The following LOX variants were observed in gnomAD, a reference collection of about 807,000 sequenced individuals.
LOX encodes the protein protein-lysine 6-oxidase.
Under a neutral mutation model 50.5 loss-of-function variants are expected in LOX, and 12 were observed. The ratio of observed to expected loss-of-function variants is 0.24; its 90% CI spans 0.15 to 0.38. The LOEUF (loss-of-function observed/expected upper bound fraction) is 0.38. LOX is among the 10% of genes least tolerant of loss of function. LOX has a pLI of 1.00. For synonymous variants in LOX, 254 were observed against 230.6 expected, an observed-to-expected ratio of 1.10 and a Z score of -0.92; for missense variants, 504 against 563.8, an observed-to-expected ratio of 0.89 and a Z score of 1.07.
rs1454169589 is a variant in LOX at position 122,068,328 on chromosome 5, AAG to A, written c.1248-1581_1248-1580del. Among the ~76,000 whole-genome samples the A allele has an allele frequency of 4.6e-5, 7 of 152,244 alleles. No individual in the cohort carries two copies. The East Asian group carries it at 1.4e-3, about 29-fold the overall frequency. On this transcript the variant is annotated intron_variant, in intron 6 of 6. Transcript: ENST00000231004. ...TCAATGGATTCTACTGATTAAAAGC[AAG>A]AGACATTCTATGCAACAGACCTCTC... is the stretch of plus-strand genomic sequence containing the variant.
At chr5:122,074,387 A>T (rs1754553749) in intron 3 of LOX, among the ~76,000 whole-genome samples, 1 of 152,142 alleles carries the variant, frequency 6.6e-6, no homozygotes, top group Non-Finnish European at 1.5e-5. Flanking sequence ...AGGACAAAAG[A>T]CTTAGTTCAG....
In LOX at chr5:122,064,907, T is replaced by C. The variant is rs1333943139; in HGVS notation, c.*1836A>G. ...TCAATAAAATGATAGATCTGAAATCTGTAGATGCCAGTCTGGCTCAGTATT... is the reference window on the plus strand; with the variant it reads ...TCAATAAAATGATAGATCTGAAATCCGTAGATGCCAGTCTGGCTCAGTATT... On this transcript the variant is annotated 3_prime_UTR_variant, in exon 7 of 7. Transcript: ENST00000231004. The C allele has an allele frequency of 6.6e-6, 1 of 152,108 alleles. No individual in the cohort carries two copies. The highest frequency in any genetic ancestry group is 2.4e-5 in the African/African-American group (1 of 41,450). The allele number at this position is 152,108 out of a possible 1,614,324, so 9.4% of individuals were successfully genotyped here.
intron 6 of LOX, among the ~76,000 whole-genome samples, chr5:122,068,818 GAATA>G (rs533747574): frequency 2.2e-3 from 330 of 152,010 alleles, no homozygotes; most frequent in African/African-American, 7.5e-3. Flanking sequence ...GAGTGCAAAT[GAATA>G]AATAAATGGA....
At chr5:122,069,884 C>T (rs1423336178) in intron 6 of LOX, 169 bp downstream of exon 6, 1 of 661,610 alleles carries the variant, frequency 1.5e-6, no homozygotes, top group African/African-American at 1.8e-5. Context: ...TCTCCTTTGC[C>T]TTCCATTATT....
intron 6 of LOX, among the ~76,000 whole-genome samples, chr5:122,068,011 A>G (rs1304111711): frequency 1.3e-5 from 2 of 151,942 alleles, no homozygotes; most frequent in Non-Finnish European, 2.9e-5. Flanking sequence ...TTTTTTCTCA[A>G]ATATTCTATA....
In LOX at chr5:122,066,723, T is replaced by C. The variant is rs371284053; in HGVS notation, c.*20A>G. On this transcript the variant is annotated 3_prime_UTR_variant, in exon 7 of 7. Transcript: ENST00000231004. Reference sequence around the variant, plus strand: ...GAACACCAGGCACTGATTTATCCATTGGGAGTTTTGCTTTGCCTTCTAATA... The same window carrying C: ...GAACACCAGGCACTGATTTATCCATCGGGAGTTTTGCTTTGCCTTCTAATA... 10 of 1,597,590 alleles carry C rather than the reference T, an allele frequency of 6.3e-6. No individual in the cohort carries two copies. Among genetic ancestry groups the C allele is most frequent in the Non-Finnish European group, 8.6e-6 (10 of 1,165,646 alleles).
At chr5:122,069,049 T>C (rs186344004) in intron 6 of LOX, among the ~76,000 whole-genome samples, 15 of 152,272 alleles carry the variant, frequency 9.9e-5, no homozygotes, top group Non-Finnish European at 1.8e-4. Flanking sequence ...CTCTGTTTTT[T>C]CAGTGCTATC....
At chr5:122,071,651 A>G (rs1754456150) in intron 4 of LOX, among the ~76,000 whole-genome samples, 1 of 152,206 alleles carries the variant, frequency 6.6e-6, no homozygotes, top group Non-Finnish European at 1.5e-5. Context: ...GTTCTTCACA[A>G]AAAGTTTTAA....
intron 6 of LOX, 65 bp downstream of exon 6, chr5:122,069,988 T>C: frequency 9.0e-7 from 1 of 1,109,226 alleles, no homozygotes; most frequent in Non-Finnish European, 1.4e-6. Context: ...ATTCTATGTA[T>C]AATGTTTGGC....
chr5:122,076,774 C>A, intron 2 of LOX, 119 bp downstream of exon 2: 1 of 803,030 alleles, frequency 1.2e-6, no homozygotes. Context: ...TCCCACTTCC[C>A]AGCTCTTGTC....
chr5:122,077,088 T>G lies in LOX; in HGVS notation c.632-87A>C, dbSNP rs2152591063. 1 of 1,549,308 alleles carries G rather than the reference T, an allele frequency of 6.5e-7. No individual in the cohort carries two copies. The highest frequency in any genetic ancestry group is 1.2e-5 in the South Asian group (1 of 85,354). On this transcript the variant is annotated intron_variant, in intron 1 of 6. Coordinates refer to ENST00000231004, the MANE Select transcript of LOX (RefSeq NM_002317.7). This position sits in a 1 kb window ranked among gnomAD's most constrained non-coding sequence, Gnocchi z 4.9. ...CCTACCCCTCTAGGTCCCTTACTCC[T>G]CACCCTTCGCCCACCGGGACTGCAG... is the stretch of plus-strand genomic sequence containing the variant.
Position 122,077,066 on chromosome 5 carries a change from A to G in LOX, c.632-65T>C. ...CCGGCGCCCCCCGCTCCAACTCCCTACCCCTCTAGGTCCCTTACTCCTCAC... is the reference window on the plus strand; with the variant it reads ...CCGGCGCCCCCCGCTCCAACTCCCTGCCCCTCTAGGTCCCTTACTCCTCAC... On this transcript the variant is annotated intron_variant, in intron 1 of 6. Transcript: ENST00000231004. The surrounding 1 kb of genome is among the most constrained non-coding windows in gnomAD (Gnocchi z 4.9). 4 of 1,591,408 alleles carry G rather than the reference A, an allele frequency of 2.5e-6. No homozygotes were observed. The highest frequency in any genetic ancestry group is 3.4e-6 in the Non-Finnish European group (4 of 1,173,310).
At position 122,070,535 on chromosome 5, in the gene LOX, T is replaced by C. The variant is rs1399121024; in HGVS notation, c.1090A>G (p.Ile364Val). The C allele has an allele frequency of 6.2e-7, 1 of 1,609,152 alleles. No homozygotes were observed. The highest frequency in any genetic ancestry group is 8.5e-7 in the Non-Finnish European group (1 of 1,176,522). ...CCAGGTTTTACATCTGTAATATCAA[T>C]CCACTGGCAGTCTATGTCTGCACCA... ...TYGADIDCQW[I>V]DITDVKPGNY... is the part of the protein sequence containing the mutation. Residue 364 changes from isoleucine (I) to valine (V), a missense_variant, in exon 5 of 7, where the codon ATT (isoleucine) becomes GTT (valine). Ile to Val is a conservative substitution (Grantham distance 29). Coordinates refer to ENST00000231004, the MANE Select transcript of LOX (RefSeq NM_002317.7).
intron 4 of LOX, among the ~76,000 whole-genome samples, chr5:122,072,749 C>G (rs1343109937): frequency 6.6e-6 from 1 of 152,052 alleles, no homozygotes; most frequent in African/African-American, 2.4e-5. Flanking sequence ...AGATGATTAA[C>G]AAGAAAGCTA....
rs201221885 is a variant in LOX at position 122,076,919 on chromosome 5, G to A, written c.714C>T (p.Cys238=). Residue 238 remains cysteine (C), a synonymous_variant, in exon 2 of 7, where the codon TGC becomes TGT. Coordinates refer to ENST00000231004, the MANE Select transcript of LOX (RefSeq NM_002317.7). ...VQKMSMYNLR[C]AAEENCLAST... ...TGGCCAGACAGTTTTCCTCCGCCGC[G>A]CATCTCAGGTTGTACATGGACATCT... The A allele has an allele frequency of 3.7e-6, 6 of 1,613,998 alleles. No homozygotes were observed. The Admixed American group carries it at 5.0e-5, about 13-fold the overall frequency.
chr5:122,068,675 CAAAG>C (rs1246338923), intron 6 of LOX, among the ~76,000 whole-genome samples: 1 of 152,020 alleles, frequency 6.6e-6, no homozygotes, highest in Non-Finnish European at 1.5e-5. Context: ...AGACATTAAA[CAAAG>C]AAATTCATAA....
intron 6 of LOX, among the ~76,000 whole-genome samples, chr5:122,067,445 C>G (rs1264831616): frequency 6.6e-6 from 1 of 152,032 alleles, no homozygotes; most frequent in Non-Finnish European, 1.5e-5. Flanking sequence ...TACTGGGTGG[C>G]TTTTACACAT....
chr5:122,070,653 G>T, intron 4 of LOX, 64 bp from the exon 5 acceptor site: 1 of 784,904 alleles, frequency 1.3e-6, no homozygotes, highest in Non-Finnish European at 2.1e-6. Flanking sequence ...TAAATAATAT[G>T]CTATTATTTG....
chr5:122,070,750 A>G (rs1247578228), intron 4 of LOX, 161 bp from the exon 5 acceptor site: 1 of 485,282 alleles, frequency 2.1e-6, no homozygotes, highest in Non-Finnish European at 3.6e-6. Context: ...TTTATTACTC[A>G]GCCTTATAGC....
Sources: allele counts gnomAD v4.1 joint callset (sites outside exome capture counted in the v4.1 genomes callset), GRCh38; gene constraint gnomAD v4.1.1; non-coding constraint Gnocchi (gnomAD v3.1); transcripts MANE v1.5; gene names NCBI Gene and HGNC (gene_info 2026-07-23, HGNC 2026-07-21).